Variants in TRNAU1AP observed in about 807,000 individuals in gnomAD.
TRNAU1AP encodes the protein tRNA selenocysteine 1 associated protein 1, also known as tRNA selenocysteine 1-associated protein 1.
TRNAU1AP carries 33 observed loss-of-function variants against 43.3 expected under a neutral mutation model. The observed-to-expected ratio is 0.76, with a 90% confidence interval of 0.58 to 1.02. TRNAU1AP has a LOEUF of 1.02. Among genes scored for constraint, TRNAU1AP ranks in the 50% least tolerant of loss-of-function variants. The pLI is 0.00. For synonymous variants in TRNAU1AP, 143 were observed against 129.1 expected, an observed-to-expected ratio of 1.11 and a Z score of -0.73; for missense variants, 290 against 362.7, an observed-to-expected ratio of 0.80 and a Z score of 1.63.
chr1:28,564,998 G>A, intron 5 of TRNAU1AP, 164 bp downstream of exon 5: 1 of 779,522 alleles, frequency 1.3e-6, no homozygotes, highest in Non-Finnish European at 2.1e-6. Flanking sequence ...GAGGGAGAAT[G>A]CCAGTATTGT....
At chr1:28,564,333 T>G (rs1244513556) in intron 4 of TRNAU1AP, among the ~76,000 whole-genome samples, 2 of 152,224 alleles carry the variant, frequency 1.3e-5, no homozygotes, top group Non-Finnish European at 2.9e-5. Flanking sequence ...CTAGTTCTTT[T>G]TTTTCTGTCT....
At chr1:28,559,062 T>C (rs1394219414) in intron 2 of TRNAU1AP, among the ~76,000 whole-genome samples, 1 of 151,752 alleles carries the variant, frequency 6.6e-6, no homozygotes, top group African/African-American at 2.4e-5. Flanking sequence ...CTGAGTCTCT[T>C]TTATTTTTAT....
intron 1 of TRNAU1AP, 81 bp downstream of exon 1, chr1:28,553,218 G>A: frequency 1.5e-6 from 2 of 1,375,662 alleles, no homozygotes. Flanking sequence ...GAGTGGGAGG[G>A]GACTTGGGAT....
intron 4 of TRNAU1AP, among the ~76,000 whole-genome samples, chr1:28,563,430 C>A (rs1412517168): frequency 6.6e-6 from 1 of 151,888 alleles, no homozygotes; most frequent in Admixed American, 6.6e-5. Flanking sequence ...CACCTGTAAT[C>A]CCGGCACTTT....
chr1:28,555,140 G>T (rs1192098802), intron 2 of TRNAU1AP, among the ~76,000 whole-genome samples: 1 of 150,994 alleles, frequency 6.6e-6, no homozygotes, highest in Non-Finnish European at 1.5e-5. Flanking sequence ...TGAGGCAGGA[G>T]AATCGCTTGA....
chr1:28,577,516 G>A lies in TRNAU1AP; in HGVS notation c.744G>A (p.Leu248=). The change falls in exon 9 of 9, where the codon CTG becomes CTA. Residue 248 remains leucine (L), a synonymous_variant. Transcript: ENST00000373830. ...GCTTTCCAGACCCCATGCCACAGCT[G>A]GATGTGACTGAGGCCAACAAGGAGT... The part of the protein sequence containing the change: ...DDALEDPMPQ[L]DVTEANKEFM... 1 of 1,613,980 alleles carries A rather than the reference G, an allele frequency of 6.2e-7. No individual in the cohort carries two copies. Among genetic ancestry groups the A allele is most frequent in the African/African-American group, 1.3e-5 (1 of 75,008 alleles).
At chr1:28,575,364 A>ACGATGGTCTC (rs1665751608) in intron 8 of TRNAU1AP, among the ~76,000 whole-genome samples, 2 of 151,742 alleles carry the variant, frequency 1.3e-5, no homozygotes, top group Non-Finnish European at 2.9e-5. Flanking sequence ...CATGTTGGCC[A>ACGATGGTCTC]TGATGGTCTC....
intron 3 of TRNAU1AP, chr1:28,561,011 G>C (rs909405456): frequency 2.5e-5 from 33 of 1,308,994 alleles, no homozygotes; most frequent in Non-Finnish European, 3.0e-5. Context: ...TCCCATAACC[G>C]AAGACTTGAA....
At position 28,566,490 on chromosome 1, in the gene TRNAU1AP, T is replaced by C. The variant is rs1392880235; in HGVS notation, c.411-804T>C. Among the ~76,000 whole-genome samples, 23 of 151,064 alleles carry C rather than the reference T, an allele frequency of 1.5e-4. No homozygotes were observed. In the Admixed American group the frequency reaches 1.5e-3, roughly 10 times the overall value. Reference sequence around the variant, plus strand: ...AATACAGGCCAGGCGTGGTGGCTCATGCCTGTAATCCCAGCACTTTGGGAG... The same window carrying C: ...AATACAGGCCAGGCGTGGTGGCTCACGCCTGTAATCCCAGCACTTTGGGAG... On this transcript the variant is annotated intron_variant, in intron 5 of 8. Coordinates refer to ENST00000373830, the MANE Select transcript of TRNAU1AP (RefSeq NM_017846.5).
At chr1:28,554,214 A>AAAC (rs1480551128) in intron 2 of TRNAU1AP, among the ~76,000 whole-genome samples, 2 of 137,848 alleles carry the variant, frequency 1.5e-5, no homozygotes, top group African/African-American at 6.9e-5. Flanking sequence ...AAAAAAAAAC[A>AAAC]AAAAAACAAA....
intron 4 of TRNAU1AP, among the ~76,000 whole-genome samples, chr1:28,562,611 C>T (rs1455057770): frequency 6.6e-6 from 1 of 150,532 alleles, no homozygotes; most frequent in Non-Finnish European, 1.5e-5. Context: ...GACGGAGTCT[C>T]ACTCTGTTGC....
chr1:28,556,141 C>T (rs749743640), intron 2 of TRNAU1AP, among the ~76,000 whole-genome samples: 54 of 152,016 alleles, frequency 3.6e-4, no homozygotes, highest in African/African-American at 1.3e-3. Context: ...TGTGAGCCAC[C>T]GCGCCCGGCC....
At chr1:28,569,773 T>TCAGG (rs1486398882) in intron 6 of TRNAU1AP, among the ~76,000 whole-genome samples, 4 of 126,100 alleles carry the variant, frequency 3.2e-5, no homozygotes, top group Admixed American at 8.7e-5. Flanking sequence ...GATCACAAGG[T>TCAGG]CAGGAGATTG....
chr1:28,566,641 C>T (rs1213072055), intron 5 of TRNAU1AP, among the ~76,000 whole-genome samples: 1 of 151,878 alleles, frequency 6.6e-6, no homozygotes, highest in East Asian at 1.9e-4. Flanking sequence ...TGCCTGTAGT[C>T]CCAGCTACTC....
chr1:28,562,881 T>C (rs1451830860), intron 4 of TRNAU1AP, among the ~76,000 whole-genome samples: 3 of 149,018 alleles, frequency 2.0e-5, no homozygotes, highest in Admixed American at 1.3e-4. Flanking sequence ...GTGCCTGGAC[T>C]GTGCTTTTGT....
chr1:28,577,709 T>G lies in TRNAU1AP; in HGVS notation c.*73T>G, dbSNP rs1475306228. 2 of 1,453,852 alleles carry G rather than the reference T, an allele frequency of 1.4e-6. No individual in the cohort carries two copies. Among genetic ancestry groups the G allele is most frequent in the Non-Finnish European group, 1.9e-6 (2 of 1,071,952 alleles). The allele number at this position is 1,453,852 out of a possible 1,614,324, so 90.1% of individuals were successfully genotyped here. A position where few individuals can be genotyped will look rare whatever the true frequency, so the allele number is the denominator to read the frequency against. On this transcript the variant is annotated 3_prime_UTR_variant, in exon 9 of 9. Transcript: ENST00000373830. The stretch of plus-strand genomic sequence containing the variant: ...ACTCCTTTTTAAAAATTGTGAAACC[T>G]TTTTGGAAATATGATTTGTAAGATT...
chr1:28,570,228 C>T (rs893102568), intron 6 of TRNAU1AP, among the ~76,000 whole-genome samples: 6 of 151,952 alleles, frequency 3.9e-5, no homozygotes, highest in Non-Finnish European at 8.8e-5. Flanking sequence ...GGATTATAGG[C>T]GTGAGCTACC....
intron 2 of TRNAU1AP, among the ~76,000 whole-genome samples, chr1:28,556,597 C>T (rs966342388): frequency 6.6e-6 from 1 of 151,406 alleles, no homozygotes; most frequent in African/African-American, 2.4e-5. Context: ...CTGCAACCTC[C>T]GCCTCCTGGG....
rs1316220923 is a variant in TRNAU1AP at position 28,559,459 on chromosome 1, T to A, written c.126-1174T>A. Among the ~76,000 whole-genome samples the A allele has an allele frequency of 2.6e-5, 4 of 151,934 alleles. No homozygotes were observed. In the East Asian group the frequency reaches 7.7e-4, roughly 29 times the overall value. On this transcript the variant is annotated intron_variant, in intron 2 of 8. Coordinates refer to ENST00000373830, the MANE Select transcript of TRNAU1AP (RefSeq NM_017846.5). ...GCCTGACCAATATGGAGAAACCCCA[T>A]CTCTACTGAAAATACAAAATTAGCT...
Sources: allele counts gnomAD v4.1 joint callset (sites outside exome capture counted in the v4.1 genomes callset), GRCh38; gene constraint gnomAD v4.1.1; transcripts MANE v1.5; gene names NCBI Gene and HGNC (gene_info 2026-07-23, HGNC 2026-07-21).